Variants in MYH11 observed in about 807,000 individuals in gnomAD.
The protein encoded by MYH11 is myosin-11.
MYH11 carries 80 observed loss-of-function variants against 246.6 expected under a neutral mutation model. That is an observed-to-expected ratio of 0.32 (90% CI 0.27 to 0.39). The LOEUF (loss-of-function observed/expected upper bound fraction) is 0.39, where lower values mean the gene tolerates loss of function less well. Among genes scored for constraint, MYH11 ranks in the 10% least tolerant of loss-of-function variants. The pLI, the probability that MYH11 is intolerant of heterozygous loss-of-function variation, is 1.00. For synonymous variants in MYH11, 1,071 were observed against 1,015.5 expected, an observed-to-expected ratio of 1.05 and a Z score of -1.04; for missense variants, 2,158 against 2,546.8, an observed-to-expected ratio of 0.85 and a Z score of 3.29.
chr16:15,742,236 T>C, intron 20 of MYH11: 1 of 409,606 alleles, frequency 2.4e-6, no homozygotes, highest in Non-Finnish European at 4.6e-6. Context: ...TCTTCCCCAC[T>C]TTAGAACCAT....
At chr16:15,732,797 C>T (rs1368614953) in intron 26 of MYH11, 89 bp from the exon 27 acceptor site, 2 of 1,502,920 alleles carry the variant, frequency 1.3e-6, no homozygotes, top group African/African-American at 2.7e-5. Context: ...TCTTCCAGGA[C>T]CCAGAGCTGC....
At position 15,724,151 on chromosome 16, in the gene MYH11, C is replaced by T. The variant is rs142707175; in HGVS notation, c.4365+10G>A. 42 of 1,612,756 alleles carry T rather than the reference C, an allele frequency of 2.6e-5. No homozygotes were observed. In the African/African-American group the frequency reaches 4.1e-4, roughly 16 times the overall value. ...CATGGCCAGAGTGGGGGACACCCCA[C>T]GCCCTCTACCTGATCAAATTTCCTC... On this transcript the variant is annotated intron_variant, in intron 31 of 40. Transcript: ENST00000300036.
intron 2 of MYH11, among the ~76,000 whole-genome samples, chr16:15,824,124 AC>A (rs35081187): frequency 0.45 from 68,385 of 151,542 alleles, 16,242 homozygotes; most frequent in African/African-American, 0.61. Flanking sequence ...TCATCATTTA[AC>A]AGGTGGCACA....
intron 1 of MYH11, among the ~76,000 whole-genome samples, chr16:15,847,789 G>A (rs941658851): frequency 1.3e-5 from 2 of 152,188 alleles, no homozygotes; most frequent in African/African-American, 2.4e-5. Flanking sequence ...TGACAGTTAC[G>A]ACGTGCAAAA....
chr16:15,772,007 C>G (rs2042113220), intron 8 of MYH11, among the ~76,000 whole-genome samples: 1 of 151,560 alleles, frequency 6.6e-6, no homozygotes, highest in South Asian at 2.1e-4. Flanking sequence ...GAAGGGATGC[C>G]TTTACCTCAA....
chr16:15,724,188 C>T lies in MYH11; in HGVS notation c.4338G>A (p.Leu1446=). Residue 1446 remains leucine (L), a synonymous_variant, in exon 31 of 41, where the codon CTG becomes CTA. Coordinates refer to ENST00000300036, the MANE Select transcript of MYH11 (RefSeq NM_002474.3). ...GATCAAATTTCCTCTGCTTCTTTTC[C>T]AGGTTGGACACGAGTTGCCGCTGGT... The part of the protein sequence containing the change: ...LDNQRQLVSN[L]EKKQRKFDQL... 6.2e-7 allele frequency: 1 copy of T among 1,613,962 alleles called. No homozygotes were observed. Among genetic ancestry groups the T allele is most frequent in the Non-Finnish European group, 8.5e-7 (1 of 1,180,038 alleles).
intron 12 of MYH11, 128 bp from the exon 13 acceptor site, chr16:15,758,128 C>A (rs2151275197): frequency 7.1e-7 from 1 of 1,401,118 alleles, no homozygotes; most frequent in East Asian, 2.3e-5. Context: ...CATCCCAGCA[C>A]CCAGACAGGG....
At chr16:15,796,482 C>A (rs2042745235) in intron 4 of MYH11, among the ~76,000 whole-genome samples, 2 of 152,154 alleles carry the variant, frequency 1.3e-5, no homozygotes, top group Non-Finnish European at 2.9e-5. Context: ...CTCTCTGTTA[C>A]CACACTTAAT....
At chr16:15,827,375 G>T (rs1567203420) in intron 2 of MYH11, among the ~76,000 whole-genome samples, 1 of 152,232 alleles carries the variant, frequency 6.6e-6, no homozygotes, top group Non-Finnish European at 1.5e-5. Flanking sequence ...TCAAGACAAA[G>T]CAGGGACATG....
chr16:15,748,512 C>T (rs1025662325), intron 16 of MYH11, among the ~76,000 whole-genome samples: 2 of 152,200 alleles, frequency 1.3e-5, no homozygotes, highest in East Asian at 1.9e-4. Context: ...AACCCCCCCA[C>T]TTCTCTTCAC....
At chr16:15,829,905 T>G (rs539854791) in intron 2 of MYH11, among the ~76,000 whole-genome samples, 1 of 151,892 alleles carries the variant, frequency 6.6e-6, no homozygotes, top group South Asian at 2.1e-4. Context: ...GAGGCCAAGG[T>G]GGGTGGATCA....
intron 27 of MYH11, 115 bp from the exon 28 acceptor site, chr16:15,727,169 A>G (rs1395892868): frequency 2.3e-6 from 2 of 865,116 alleles, no homozygotes; most frequent in Non-Finnish European, 3.8e-6. Context: ...CAGGGGGCAC[A>G]CAATCACCAG....
chr16:15,765,036 C>A (rs2041951524), intron 9 of MYH11, among the ~76,000 whole-genome samples: 1 of 152,216 alleles, frequency 6.6e-6, no homozygotes, highest in Non-Finnish European at 1.5e-5. Flanking sequence ...CCATGAGTTT[C>A]TGGAGAGTGG....
chr16:15,732,847 G>A, intron 26 of MYH11, 139 bp from the exon 27 acceptor site: 1 of 1,071,024 alleles, frequency 9.3e-7, no homozygotes, highest in South Asian at 1.4e-5. Flanking sequence ...GTGACCTTGG[G>A]TCATTCACCT....
intron 23 of MYH11, 125 bp from the exon 24 acceptor site, chr16:15,738,813 A>G: frequency 8.8e-7 from 1 of 1,140,044 alleles, no homozygotes; most frequent in Non-Finnish European, 1.3e-6. Context: ...AAATACAACT[A>G]GAGTTTTAAA....
intron 31 of MYH11, 97 bp from the exon 32 acceptor site, chr16:15,721,731 A>AT: frequency 7.8e-7 from 1 of 1,286,022 alleles, no homozygotes; most frequent in Middle Eastern, 1.9e-4. Context: ...TGCTGAATGT[A>AT]TTGAGGTGCA....
At chr16:15,786,369 T>C (rs2042468981) in intron 5 of MYH11, 2 of 627,188 alleles carry the variant, frequency 3.2e-6, no homozygotes, top group African/African-American at 3.6e-5. Context: ...TGGAGGAAGA[T>C]CTCGCTATGG....
At chr16:15,739,619 T>C (rs975387381) in intron 23 of MYH11, among the ~76,000 whole-genome samples, 1 of 152,210 alleles carries the variant, frequency 6.6e-6, no homozygotes, top group Non-Finnish European at 1.5e-5. Context: ...TAGTGACTAC[T>C]GACTACGGTG....
At chr16:15,852,881 C>T (rs771604084) in intron 1 of MYH11, among the ~76,000 whole-genome samples, 3 of 152,054 alleles carry the variant, frequency 2.0e-5, no homozygotes, top group East Asian at 1.9e-4. Context: ...ATTAGAATCC[C>T]GATCTGTTTG....
Sources: gnomAD v4.1 joint callset for allele counts (sites outside exome capture counted in the v4.1 genomes callset) on GRCh38, gnomAD v4.1.1 for gene constraint, MANE v1.5 for transcripts, NCBI Gene and HGNC (gene_info 2026-07-23, HGNC 2026-07-21) for gene names.